Variants in SPATA9 observed in about 807,000 individuals in gnomAD.
SPATA9 encodes the protein spermatogenesis associated 9.
SPATA9 carries 27 observed loss-of-function variants against 25.5 expected under a neutral mutation model. The ratio of observed to expected loss-of-function variants is 1.06; its 90% CI spans 0.78 to 1.46. SPATA9 has a LOEUF of 1.46. Ranked by LOEUF, SPATA9 falls within the 40% of genes most tolerant of loss-of-function variation. The probability of loss-of-function intolerance (pLI) is 0.00; values close to 1 mark genes in which losing one functional copy is unlikely to be tolerated. For missense variants in SPATA9, 282 were observed against 297.5 expected (o/e 0.95, Z 0.38); for synonymous variants, 102 against 105.7 (o/e 0.97, Z 0.21).
upstream of SPATA9, among the ~76,000 whole-genome samples, chr5:95,687,438 T>C (rs1486855186): frequency 1.2e-4 from 18 of 152,230 alleles, 1 homozygote; most frequent in Admixed American, 1.2e-3. Context: ...TTAAAATGTA[T>C]TAGGGGAGTG....
the SPATA9 span, among the ~76,000 whole-genome samples, chr5:95,705,923 T>A: frequency 6.6e-6 from 1 of 152,194 alleles, no homozygotes; most frequent in East Asian, 1.9e-4. Context: ...CCAAAAGGAT[T>A]TAGCTATCTC....
chr5:95,682,505 T>A (rs1279253403), intron 2 of SPATA9, 23 bp downstream of exon 2: 5 of 1,477,478 alleles, frequency 3.4e-6, no homozygotes, highest in Non-Finnish European at 4.7e-6. Context: ...CTATTCCTTT[T>A]AAAGGTTATA....
the SPATA9 span, among the ~76,000 whole-genome samples, chr5:95,703,740 T>A: frequency 2.4e-4 from 36 of 152,152 alleles, no homozygotes; most frequent in African/African-American, 7.7e-4. Flanking sequence ...TGATTATCAA[T>A]GGGTGGTTGG....
chr5:95,727,272 C>A, the SPATA9 span, among the ~76,000 whole-genome samples: 4 of 147,434 alleles, frequency 2.7e-5, no homozygotes, highest in Non-Finnish European at 6.0e-5. Context: ...TCTATGCAAA[C>A]CTAGTTTTCC....
the SPATA9 span, among the ~76,000 whole-genome samples, chr5:95,706,127 T>C: frequency 6.6e-6 from 1 of 152,116 alleles, no homozygotes; most frequent in Non-Finnish European, 1.5e-5. Context: ...GATCCTTTAA[T>C]GGCCCACTTG....
chr5:95,701,011 G>A (rs1754170313), upstream of SPATA9, among the ~76,000 whole-genome samples: 1 of 152,086 alleles, frequency 6.6e-6, no homozygotes, highest in African/African-American at 2.4e-5. Context: ...ACTCCCTAAT[G>A]TTCAAACATT....
upstream of SPATA9, among the ~76,000 whole-genome samples, chr5:95,702,712 C>CA (rs889662702): frequency 3.4e-4 from 52 of 151,008 alleles, no homozygotes; most frequent in Middle Eastern, 3.4e-3. Flanking sequence ...CCCATCCCTA[C>CA]AAAAAAAAAG....
intron 3 of SPATA9, among the ~76,000 whole-genome samples, chr5:95,665,888 G>A (rs1461382096): frequency 6.6e-6 from 1 of 151,920 alleles, no homozygotes; most frequent in African/African-American, 2.4e-5. Flanking sequence ...ACAATCGCTT[G>A]AATCTGGGAG....
chr5:95,659,637 G>A (rs1751074458), intron 4 of SPATA9: 1 of 152,206 alleles, frequency 6.6e-6, no homozygotes, highest in South Asian at 2.1e-4. Context: ...ATGCCTCAAG[G>A]TAATATAAAA....
chr5:95,656,737 A>G (rs1417095522), downstream of SPATA9: 4 of 153,666 alleles, frequency 2.6e-5, no homozygotes, highest in East Asian at 3.8e-4. Flanking sequence ...AACAGACTAT[A>G]TAATGAACTT....
At chr5:95,668,033 G>A (rs1751985775) in intron 3 of SPATA9, among the ~76,000 whole-genome samples, 1 of 152,106 alleles carries the variant, frequency 6.6e-6, no homozygotes, top group Admixed American at 6.6e-5. Flanking sequence ...AGCTGATGCT[G>A]CCATGCTTCC....
the SPATA9 span, among the ~76,000 whole-genome samples, chr5:95,711,536 T>C: frequency 1.3e-5 from 2 of 152,052 alleles, no homozygotes; most frequent in African/African-American, 2.4e-5. Flanking sequence ...TCAGTGGTAG[T>C]AGAGGGGCTG....
At chr5:95,725,048 C>T in the SPATA9 span, among the ~76,000 whole-genome samples, 1 of 152,026 alleles carries the variant, frequency 6.6e-6, no homozygotes, top group African/African-American at 2.4e-5. Flanking sequence ...TGGACATACA[C>T]ATGCCATGTG....
At chr5:95,708,976 C>G in the SPATA9 span, 1 of 218,920 alleles carries the variant, frequency 4.6e-6, no homozygotes, top group African/African-American at 2.3e-5. Flanking sequence ...CCTGATCCAG[C>G]CTTGGGGACC....
chr5:95,676,870 C>T (rs1296809109), intron 2 of SPATA9, among the ~76,000 whole-genome samples: 1 of 152,204 alleles, frequency 6.6e-6, no homozygotes, highest in East Asian at 1.9e-4. Flanking sequence ...AAAGTACATA[C>T]TGTGGTCCAC....
At chr5:95,701,816 G>A (rs568436403), upstream of SPATA9, among the ~76,000 whole-genome samples, 1 of 152,250 alleles carries the variant, frequency 6.6e-6, no homozygotes, top group Admixed American at 6.5e-5. Flanking sequence ...TTGTACAACA[G>A]TTACATTTGA....
chr5:95,664,889 T>A (rs977469087), intron 3 of SPATA9, among the ~76,000 whole-genome samples: 1 of 152,210 alleles, frequency 6.6e-6, no homozygotes, highest in East Asian at 1.9e-4. Context: ...CACATAATGT[T>A]CATTAGACAA....
At chr5:95,731,563 C>T in the SPATA9 span, 8 of 1,488,204 alleles carry the variant, frequency 5.4e-6, no homozygotes, top group Admixed American at 1.1e-4. Context: ...GGTGGAGGCG[C>T]GCGAGGGGGA....
At chr5:95,701,798 T>C (rs1475442540), upstream of SPATA9, among the ~76,000 whole-genome samples, 1 of 152,188 alleles carries the variant, frequency 6.6e-6, no homozygotes, top group Non-Finnish European at 1.5e-5. Context: ...TGCCATGAGA[T>C]GTAGACTTTG....
Sources: allele counts gnomAD v4.1 joint callset (sites outside exome capture counted in the v4.1 genomes callset), GRCh38; gene constraint gnomAD v4.1.1; transcripts MANE v1.5; gene names NCBI Gene and HGNC (gene_info 2026-07-23, HGNC 2026-07-21).